SRGAP3: variants seen among roughly 807,000 people sequenced by gnomAD.
SRGAP3 encodes the protein SLIT-ROBO Rho GTPase-activating protein 3.
A neutral mutation model predicts 121.1 loss-of-function variants in SRGAP3; 39 were observed. The ratio of observed to expected loss-of-function variants is 0.32; its 90% confidence interval spans 0.25 to 0.42. The LOEUF (loss-of-function observed/expected upper bound fraction) is 0.42, where lower values mean the gene tolerates loss of function less well. SRGAP3 is among the 10% of genes least tolerant of loss of function. The pLI is 1.00. For missense variants in SRGAP3, 1,213 were observed against 1,470.6 expected, an observed-to-expected ratio of 0.82 and a Z score of 2.86; for synonymous variants, 601 against 570.0, an observed-to-expected ratio of 1.05 and a Z score of -0.77.
Position 9,052,587 on chromosome 3 carries a change from A to G in SRGAP3, c.1323+440T>C, listed in dbSNP as rs79917845. Among the ~76,000 whole-genome samples the G allele has an allele frequency of 1.5e-3, 224 of 152,358 alleles. 3 individuals are homozygous for G. The East Asian group carries it at 0.017, about 12-fold the overall frequency. On this transcript the variant is annotated intron_variant, in intron 9 of 21. Coordinates refer to ENST00000383836, the MANE Select transcript of SRGAP3 (RefSeq NM_014850.4). ...TGAAAGATAATTAACATGGGATTTT[A>G]CATGAAGGGCTAGCAACTCAAGAGC...
chr3:9,136,026 T>TGGGCACCGAGCTAAGTGTTTCCC (rs1046442561), intron 1 of SRGAP3, among the ~76,000 whole-genome samples: 2 of 152,240 alleles, frequency 1.3e-5, no homozygotes, highest in Non-Finnish European at 2.9e-5. Flanking sequence ...CCAGGCACGC[T>TGGGCACCGAGCTAAGTGTTTCCC]GGGCACCGAG....
At chr3:9,013,573 G>A in intron 16 of SRGAP3, 38 bp from the exon 17 acceptor site, 1 of 1,608,006 alleles carries the variant, frequency 6.2e-7, no homozygotes, top group Non-Finnish European at 8.5e-7. Context: ...ATCTGGGAAA[G>A]GCAAGTCCTC....
At chr3:9,112,237 T>C (rs1394598932) in intron 2 of SRGAP3, among the ~76,000 whole-genome samples, 1 of 152,234 alleles carries the variant, frequency 6.6e-6, no homozygotes, top group South Asian at 2.1e-4. Context: ...AAGCTCCTGC[T>C]TGGGCTTCCT....
At chr3:9,252,393 G>T (rs1954038080), upstream of SRGAP3, among the ~76,000 whole-genome samples, 1 of 152,012 alleles carries the variant, frequency 6.6e-6, no homozygotes. Flanking sequence ...TGGGATTGCA[G>T]AGTGAGCCAC....
chr3:9,328,461 T>G (rs563524201), intron 2 of SRGAP3, among the ~76,000 whole-genome samples: 1 of 152,330 alleles, frequency 6.6e-6, no homozygotes, highest in South Asian at 2.1e-4. Flanking sequence ...AGCTTGAATA[T>G]CCACTTTTAA....
intron 3 of SRGAP3, among the ~76,000 whole-genome samples, chr3:9,264,027 C>CAAG (rs1278714535): frequency 7.9e-5 from 12 of 152,212 alleles, no homozygotes; most frequent in Non-Finnish European, 1.6e-4. Context: ...CCACCACAAT[C>CAAG]AAGATGGCTT....
intron 8 of SRGAP3, among the ~76,000 whole-genome samples, chr3:9,054,296 T>C (rs920693030): frequency 3.3e-5 from 5 of 152,214 alleles, no homozygotes; most frequent in Non-Finnish European, 7.3e-5. Context: ...TCTTTAAGTC[T>C]GATAGAAACA....
intron 1 of SRGAP3, among the ~76,000 whole-genome samples, chr3:9,168,563 T>C (rs1200109504): frequency 2.0e-5 from 3 of 152,226 alleles, no homozygotes; most frequent in African/African-American, 4.8e-5. Context: ...GCTTAACAAC[T>C]TTCAAAAGCC....
chr3:9,070,728 G>A (rs1946665087), intron 4 of SRGAP3, among the ~76,000 whole-genome samples: 1 of 152,150 alleles, frequency 6.6e-6, no homozygotes, highest in Non-Finnish European at 1.5e-5. Flanking sequence ...GTGTTCTGCT[G>A]AGCATACTTG....
At chr3:9,023,070 G>A (rs539658313) in intron 14 of SRGAP3, among the ~76,000 whole-genome samples, 4 of 152,304 alleles carry the variant, frequency 2.6e-5, no homozygotes, top group East Asian at 1.9e-4. Context: ...GGGGTTGCCC[G>A]TGGCAACAAG....
At position 8,982,015 on chromosome 3, in the gene SRGAP3, C is replaced by A. The variant is rs1395494000; in HGVS notation, c.*3504G>T. The A allele has an allele frequency of 4.4e-6, 1 of 226,094 alleles. No individual in the cohort carries two copies. Among genetic ancestry groups the A allele is most frequent in the Non-Finnish European group, 8.8e-6 (1 of 113,542 alleles). The allele number at this position is 226,094 out of a possible 1,614,324, so 14.0% of individuals were successfully genotyped here. A position where few individuals can be genotyped will look rare whatever the true frequency, so the allele number is the denominator to read the frequency against. On this transcript the variant is annotated 3_prime_UTR_variant, in exon 22 of 22. Coordinates refer to ENST00000383836, the MANE Select transcript of SRGAP3 (RefSeq NM_014850.4). The stretch of plus-strand genomic sequence containing the variant: ...CATAGAATCCCACAGCTCAGAGCAG[C>A]TCTTTAAGAGGAAAAGGGAATAAAA...
chr3:9,228,925 G>A (rs1953095936), intron 1 of SRGAP3, among the ~76,000 whole-genome samples: 1 of 151,710 alleles, frequency 6.6e-6, no homozygotes, highest in Non-Finnish European at 1.5e-5. Context: ...AGCCGGGCGC[G>A]GTGGCGGGCG....
intron 4 of SRGAP3, among the ~76,000 whole-genome samples, chr3:9,078,598 A>G (rs1410162371): frequency 6.6e-6 from 1 of 152,146 alleles, no homozygotes; most frequent in Non-Finnish European, 1.5e-5. Flanking sequence ...TCCATTGCAT[A>G]CAGGATCTCC....
intron 1 of SRGAP3, among the ~76,000 whole-genome samples, chr3:9,188,694 C>G (rs908794683): frequency 6.6e-6 from 1 of 152,160 alleles, no homozygotes; most frequent in East Asian, 1.9e-4. Context: ...ATATCTTTTT[C>G]CCTTTGATGT....
At chr3:9,284,568 T>C (rs956797466) in intron 3 of SRGAP3, among the ~76,000 whole-genome samples, 13 of 152,294 alleles carry the variant, frequency 8.5e-5, no homozygotes, top group African/African-American at 3.1e-4. Context: ...TGGTGGTACA[T>C]GCCTGTAATC....
At chr3:9,107,139 A>G (rs1417449321) in intron 2 of SRGAP3, among the ~76,000 whole-genome samples, 1 of 152,250 alleles carries the variant, frequency 6.6e-6, no homozygotes, top group Non-Finnish European at 1.5e-5. Context: ...TGAAACAACC[A>G]GATTTCTCCT....
At chr3:9,263,130 C>T (rs1350754949) in intron 3 of SRGAP3, among the ~76,000 whole-genome samples, 1 of 152,000 alleles carries the variant, frequency 6.6e-6, no homozygotes, top group African/African-American at 2.4e-5. Context: ...GGGTAAATAA[C>T]GAAATTAAGG....
intron 3 of SRGAP3, among the ~76,000 whole-genome samples, chr3:9,087,438 G>A (rs1947551887): frequency 6.6e-6 from 1 of 151,998 alleles, no homozygotes; most frequent in Non-Finnish European, 1.5e-5. Context: ...GTTTGCTGGG[G>A]TAGAGTCAAG....
intron 1 of SRGAP3, among the ~76,000 whole-genome samples, chr3:9,128,872 T>C (rs779591258): frequency 6.6e-6 from 1 of 152,142 alleles, no homozygotes; most frequent in Non-Finnish European, 1.5e-5. Flanking sequence ...TTTATGGTGA[T>C]AGAGGTCGGA....
Sources: gnomAD v4.1 joint callset for allele counts (sites outside exome capture counted in the v4.1 genomes callset) on GRCh38, gnomAD v4.1.1 for gene constraint, MANE v1.5 for transcripts, NCBI Gene and HGNC (gene_info 2026-07-23, HGNC 2026-07-21) for gene names.